MACROD2: variants seen among roughly 807,000 people sequenced by gnomAD.
The protein encoded by MACROD2 is ADP-ribose glycohydrolase MACROD2.
In MACROD2, 36 loss-of-function variants were observed where a neutral mutation model predicts 70.4. The ratio of observed to expected loss-of-function variants is 0.51; its 90% CI spans 0.39 to 0.68. MACROD2 has a LOEUF of 0.68. MACROD2 is among the 30% of genes least tolerant of loss of function. The probability of loss-of-function intolerance (pLI) is 0.00; values close to 1 mark genes in which losing one functional copy is unlikely to be tolerated. For missense variants in MACROD2, 496 were observed against 538.4 expected (o/e 0.92, Z 0.78); for synonymous variants, 172 against 178.8 (o/e 0.96, Z 0.30).
At chr20:14,260,638 G>C (rs1055754556) in intron 3 of MACROD2, among the ~76,000 whole-genome samples, 2 of 152,104 alleles carry the variant, frequency 1.3e-5, no homozygotes, top group Admixed American at 1.3e-4. Flanking sequence ...GTGATGTAGT[G>C]GCTTAGGACA....
At chr20:14,049,177 AAAAAAAAAAAAAC>A (rs1569134308) in intron 2 of MACROD2, among the ~76,000 whole-genome samples, 3 of 90,306 alleles carry the variant, frequency 3.3e-5, no homozygotes, top group Non-Finnish European at 8.1e-5. Context: ...TATTTAATAA[AAAAAAAAAAAAAC>A]AAAAAAACAA....
intron 5 of MACROD2, among the ~76,000 whole-genome samples, chr20:14,711,654 AAACC>A (rs1445833946): frequency 1.3e-5 from 2 of 152,158 alleles, no homozygotes; most frequent in African/African-American, 4.8e-5. Context: ...AATGGGGGCC[AAACC>A]TTCAACTTCA....
chr20:15,956,777 A>G (rs1403209616), intron 12 of MACROD2, among the ~76,000 whole-genome samples: 2 of 152,156 alleles, frequency 1.3e-5, no homozygotes, highest in African/African-American at 4.8e-5. Context: ...AAGCCCTTCC[A>G]GGGATCCTAC....
rs990477803 is a variant in MACROD2, at chr20:14,839,094, G to A, written c.418+154135G>A. 3.3e-5 allele frequency among the ~76,000 whole-genome samples: 5 copies of A among 152,148 alleles called. No individual in the cohort carries two copies. In the South Asian group the frequency reaches 8.3e-4, roughly 25 times the overall value. On this transcript the variant is annotated intron_variant, in intron 5 of 17. Coordinates refer to ENST00000684519, the MANE Select transcript of MACROD2 (RefSeq NM_001351661.2). ...GGCATTTATCGTTGAAGCAGCGTAG[G>A]GGTCGTTTGGGCTATGTTTTCCTCC...
chr20:15,990,374 A>G (rs2066541463), intron 15 of MACROD2, among the ~76,000 whole-genome samples: 1 of 152,216 alleles, frequency 6.6e-6, no homozygotes, highest in Non-Finnish European at 1.5e-5. Flanking sequence ...AAATTTAGAA[A>G]TATTTGACAT....
At chr20:14,487,742 G>T (rs1242535595) in intron 3 of MACROD2, among the ~76,000 whole-genome samples, 1 of 152,106 alleles carries the variant, frequency 6.6e-6, no homozygotes, top group Non-Finnish European at 1.5e-5. Context: ...ATTCTCAGGG[G>T]ATTCATCGTA....
At chr20:14,821,497 T>G (rs2072844077) in intron 5 of MACROD2, among the ~76,000 whole-genome samples, 1 of 152,058 alleles carries the variant, frequency 6.6e-6, no homozygotes, top group African/African-American at 2.4e-5. Flanking sequence ...AGCACCTGGA[T>G]TTTTTTCAAA....
intron 15 of MACROD2, among the ~76,000 whole-genome samples, chr20:15,995,649 C>A (rs868828336): frequency 1.2e-5 from 1 of 85,508 alleles, no homozygotes; most frequent in Non-Finnish European, 2.3e-5. Flanking sequence ...TATGCCCGGC[C>A]TTTTTTTTTT....
At chr20:16,020,953 A>G (rs1475472974) in intron 15 of MACROD2, among the ~76,000 whole-genome samples, 1 of 152,228 alleles carries the variant, frequency 6.6e-6, no homozygotes, top group Non-Finnish European at 1.5e-5. Flanking sequence ...ATCAAATTAC[A>G]TTGTTTAGAA....
At chr20:14,381,170 C>T (rs1283356968) in intron 3 of MACROD2, among the ~76,000 whole-genome samples, 1 of 151,976 alleles carries the variant, frequency 6.6e-6, no homozygotes, top group Non-Finnish European at 1.5e-5. Context: ...GGTTATTTTG[C>T]CTTTTAAAAA....
At chr20:14,980,344 C>A (rs892526409) in intron 5 of MACROD2, among the ~76,000 whole-genome samples, 1 of 152,116 alleles carries the variant, frequency 6.6e-6, no homozygotes, top group Admixed American at 6.6e-5. Context: ...GCCCCCTCCC[C>A]ACATGATGCC....
intron 8 of MACROD2, among the ~76,000 whole-genome samples, chr20:15,779,965 C>T (rs906061586): frequency 1.3e-5 from 2 of 152,060 alleles, no homozygotes; most frequent in Non-Finnish European, 2.9e-5. Flanking sequence ...GGCATTTTAG[C>T]ATATCAGAGC....
chr20:15,840,622 G>T (rs1035954244), intron 8 of MACROD2, among the ~76,000 whole-genome samples: 1 of 152,042 alleles, frequency 6.6e-6, no homozygotes, highest in Non-Finnish European at 1.5e-5. Flanking sequence ...ATTATTATAA[G>T]CCCAAAGGCA....
intron 4 of MACROD2, chr20:14,628,954 T>C (rs933128495): frequency 2.0e-5 from 3 of 152,250 alleles, no homozygotes; most frequent in Admixed American, 1.3e-4. Flanking sequence ...GGTGATGTTT[T>C]CTATGTTCCC....
At chr20:15,175,829 G>A (rs957824287) in intron 5 of MACROD2, among the ~76,000 whole-genome samples, 2 of 152,222 alleles carry the variant, frequency 1.3e-5, no homozygotes, top group African/African-American at 4.8e-5. Context: ...GCCAGTGGGG[G>A]CCAGGAACAG....
rs192924911 is a variant in MACROD2, at chr20:15,500,808, G to A, written c.645+961G>A. On this transcript the variant is annotated intron_variant, in intron 8 of 17. Transcript: ENST00000684519. Reference sequence around the variant, plus strand: ...TGTAATTTCGGCATTTGTTGACCACGTGGCCAAACCTATCCATTTGGGTGC... The same window carrying A: ...TGTAATTTCGGCATTTGTTGACCACATGGCCAAACCTATCCATTTGGGTGC... Among the ~76,000 whole-genome samples, 11 of 152,216 alleles carry A rather than the reference G, an allele frequency of 7.2e-5. No individual in the cohort carries two copies. In the South Asian group the frequency reaches 1.0e-3, roughly 14 times the overall value.
At chr20:14,435,461 C>G (rs1191536965) in intron 3 of MACROD2, among the ~76,000 whole-genome samples, 1 of 152,144 alleles carries the variant, frequency 6.6e-6, no homozygotes, top group Non-Finnish European at 1.5e-5. Flanking sequence ...ATAACGATCC[C>G]AGTGTTCACT....
At chr20:14,059,722 C>G (rs1312326158) in intron 2 of MACROD2, among the ~76,000 whole-genome samples, 1 of 152,138 alleles carries the variant, frequency 6.6e-6, no homozygotes, top group African/African-American at 2.4e-5. Context: ...TTGAGATAGT[C>G]ATGAACGAAA....
intron 5 of MACROD2, among the ~76,000 whole-genome samples, chr20:14,686,063 T>G (rs918246624): frequency 3.9e-5 from 6 of 152,128 alleles, no homozygotes; most frequent in Non-Finnish European, 1.5e-5. Flanking sequence ...TATTGCATCC[T>G]ATATTGTTCA....
Sources: allele counts gnomAD v4.1 joint callset (sites outside exome capture counted in the v4.1 genomes callset), GRCh38; gene constraint gnomAD v4.1.1; transcripts MANE v1.5; gene names NCBI Gene and HGNC (gene_info 2026-07-23, HGNC 2026-07-21).